The following RARB variants were observed in gnomAD, a reference collection of about 807,000 sequenced individuals.
RARB encodes the protein HBV-activated protein.
RARB carries 17 observed loss-of-function variants against 51.9 expected under a neutral mutation model. The ratio of observed to expected loss-of-function variants is 0.33; its 90% CI spans 0.22 to 0.49. RARB has a LOEUF of 0.49. RARB is among the 20% of genes least tolerant of loss of function. The probability of loss-of-function intolerance (pLI) is 0.99; values close to 1 mark genes in which losing one functional copy is unlikely to be tolerated. For missense variants in RARB, 369 were observed against 550.8 expected, an observed-to-expected ratio of 0.67 and a Z score of 3.30; for synonymous variants, 215 against 195.4, an observed-to-expected ratio of 1.10 and a Z score of -0.84.
chr3:25,057,388 C>T (rs553188624), intron 2 of RARB, among the ~76,000 whole-genome samples: 80 of 152,040 alleles, frequency 5.3e-4, no homozygotes, highest in African/African-American at 1.6e-3. Flanking sequence ...CTATTCTGGC[C>T]GTTTTTCCAC....
intron 5 of RARB, among the ~76,000 whole-genome samples, chr3:25,376,989 G>T (rs1706479387): frequency 6.6e-6 from 1 of 152,008 alleles, no homozygotes; most frequent in Non-Finnish European, 1.5e-5. Flanking sequence ...CAAATGCTTT[G>T]TTTTTCTTCT....
intron 2 of RARB, among the ~76,000 whole-genome samples, chr3:24,887,880 G>C (rs954511327): frequency 6.6e-6 from 1 of 152,190 alleles, no homozygotes; most frequent in Non-Finnish European, 1.5e-5. Context: ...GGAAGAAGCT[G>C]ATGGCCTTGA....
chr3:25,310,696 G>A (rs1036218960), intron 5 of RARB, among the ~76,000 whole-genome samples: 23 of 152,100 alleles, frequency 1.5e-4, no homozygotes, highest in Admixed American at 9.2e-4. Context: ...CCTTGTCTGG[G>A]CTACCATTTT....
At chr3:25,181,377 A>T (rs149888674) in intron 5 of RARB, among the ~76,000 whole-genome samples, 1 of 152,114 alleles carries the variant, frequency 6.6e-6, no homozygotes, top group Non-Finnish European at 1.5e-5. Flanking sequence ...TTATCTGGTG[A>T]TCTAACACAT....
chr3:25,276,337 T>C lies in RARB; in HGVS notation c.178+101762T>C, dbSNP rs146627531. Among the ~76,000 whole-genome samples the C allele has an allele frequency of 4.1e-3, 626 of 152,328 alleles. 7 individuals carry two copies. Among genetic ancestry groups the C allele is most frequent in the African/African-American group, 0.014 (602 of 41,576 alleles). Reference sequence around the variant, plus strand: ...GTCTGTACAGGTCTTTAGCCCGTTATGTAAGCTAACTACCCTGATTTGATC... The same window carrying C: ...GTCTGTACAGGTCTTTAGCCCGTTACGTAAGCTAACTACCCTGATTTGATC... On this transcript the variant is annotated intron_variant, in intron 5 of 11. Transcript: ENST00000383772.
In RARB at chr3:25,569,874, C is replaced by A; in HGVS notation, c.565C>A (p.Gln189Lys). The change falls in exon 4 of 8, where the codon CAG becomes AAG. Residue 189 changes from glutamine (Q) to lysine (K), a missense_variant. Gln to Lys is a moderately conservative substitution (Grantham distance 53). Coordinates refer to ENST00000330688, the MANE Select transcript of RARB (RefSeq NM_000965.5). ...CACAGAGAAGATCCGAAAAGCTCAC[C>A]AGGAAACTTTCCCTTCACTCTGCCA... ...DLTEKIRKAH[Q>K]ETFPSLCQLG... 6.2e-7 allele frequency: 1 copy of A among 1,614,170 alleles called. No homozygotes were observed.
chr3:25,262,906 G>A lies in RARB; in HGVS notation c.178+88331G>A, dbSNP rs1703040335. On this transcript the variant is annotated intron_variant, in intron 5 of 11. Coordinates refer to the RARB transcript ENST00000383772. The stretch of plus-strand genomic sequence containing the variant: ...CTATCATTCCACATTAGTAAATATT[G>A]TCATAAGCATTTGTATGTTCTCTCT... Among the ~76,000 whole-genome samples, 16 of 152,206 alleles carry A rather than the reference G, an allele frequency of 1.1e-4. No individual in the cohort carries two copies. In the South Asian group the frequency reaches 3.3e-3, roughly 32 times the overall value.
At chr3:25,483,359 A>T (rs761936155) in intron 2 of RARB, among the ~76,000 whole-genome samples, 4 of 152,194 alleles carry the variant, frequency 2.6e-5, no homozygotes, top group Non-Finnish European at 5.9e-5. Flanking sequence ...ATTTGAACCT[A>T]GAAAAAGAAT....
chr3:24,917,280 C>A (rs952784594), intron 2 of RARB, among the ~76,000 whole-genome samples: 8 of 151,902 alleles, frequency 5.3e-5, no homozygotes, highest in Non-Finnish European at 1.2e-4. Context: ...TTAGATATGA[C>A]ATGAAAAGCA....
At chr3:25,477,714 A>G (rs1396830574) in intron 2 of RARB, among the ~76,000 whole-genome samples, 1 of 152,226 alleles carries the variant, frequency 6.6e-6, no homozygotes, top group Non-Finnish European at 1.5e-5. Flanking sequence ...TATGGTTAAA[A>G]TGACCCTTAA....
At chr3:25,164,226 T>C (rs1394952908) in intron 4 of RARB, among the ~76,000 whole-genome samples, 1 of 152,204 alleles carries the variant, frequency 6.6e-6, no homozygotes, top group African/African-American at 2.4e-5. Context: ...GGTCAAGTGA[T>C]CTCACCCGAG....
rs376727284 is a variant in RARB, at chr3:25,328,891, C to T, written c.179-132302C>T. Among the ~76,000 whole-genome samples, 33 of 152,306 alleles carry T rather than the reference C, an allele frequency of 2.2e-4. No individual in the cohort carries two copies. The South Asian group carries it at 2.5e-3, about 11-fold the overall frequency. On this transcript the variant is annotated intron_variant, in intron 5 of 11. Transcript: ENST00000383772. ...AGGAGATTATGTCCCGTGCCTGGCT[C>T]GGAGGGTCCCACACCCACAGAGCCT... is the stretch of plus-strand genomic sequence containing the variant.
At chr3:25,295,069 A>G (rs1703885563) in intron 5 of RARB, among the ~76,000 whole-genome samples, 1 of 152,192 alleles carries the variant, frequency 6.6e-6, no homozygotes, top group African/African-American at 2.4e-5. Context: ...TATATAGACT[A>G]TGTGTTACCA....
intron 2 of RARB, among the ~76,000 whole-genome samples, chr3:24,932,093 G>T (rs1350950749): frequency 6.6e-6 from 1 of 152,088 alleles, no homozygotes; most frequent in African/African-American, 2.4e-5. Flanking sequence ...CTGCTTGGAA[G>T]AAAAAGTGTT....
At chr3:25,244,178 G>C (rs768543204) in intron 5 of RARB, among the ~76,000 whole-genome samples, 1 of 151,450 alleles carries the variant, frequency 6.6e-6, no homozygotes, top group South Asian at 2.1e-4. Context: ...ATTTTTTATT[G>C]TGTCTATTCG....
At chr3:25,165,104 A>C (rs924834004) in intron 4 of RARB, among the ~76,000 whole-genome samples, 12 of 152,182 alleles carry the variant, frequency 7.9e-5, no homozygotes, top group Non-Finnish European at 1.8e-4. Flanking sequence ...TTAAGAAAGA[A>C]GAAAGAAAAA....
chr3:24,882,390 G>A (rs1215595944), intron 2 of RARB, among the ~76,000 whole-genome samples: 22 of 152,136 alleles, frequency 1.4e-4, no homozygotes. Flanking sequence ...CATTTATATT[G>A]TACTAGGTAT....
intron 2 of RARB, among the ~76,000 whole-genome samples, chr3:24,879,356 G>A (rs1575050397): frequency 6.6e-6 from 1 of 151,988 alleles, no homozygotes; most frequent in East Asian, 1.9e-4. Flanking sequence ...GTGAACCCGG[G>A]AGGCGGAGCT....
intron 5 of RARB, among the ~76,000 whole-genome samples, chr3:25,191,144 AG>A (rs1469271221): frequency 6.6e-6 from 1 of 152,130 alleles, no homozygotes; most frequent in East Asian, 1.9e-4. Flanking sequence ...AGGGCATTTT[AG>A]TCCATGAAAA....
Sources: allele counts gnomAD v4.1 joint callset (sites outside exome capture counted in the v4.1 genomes callset), GRCh38; gene constraint gnomAD v4.1.1; transcripts MANE v1.5; gene names NCBI Gene and HGNC (gene_info 2026-07-23, HGNC 2026-07-21).